TRHDE: variants seen among roughly 807,000 people sequenced by gnomAD.
The protein encoded by TRHDE is thyrotropin-releasing hormone-degrading ectoenzyme.
TRHDE carries 72 observed loss-of-function variants against 125.7 expected under a neutral mutation model. The ratio of observed to expected loss-of-function variants is 0.57; its 90% CI spans 0.47 to 0.70. TRHDE has a LOEUF of 0.70. TRHDE is among the 30% of genes least tolerant of loss of function. The probability of loss-of-function intolerance (pLI) is 0.00; values close to 1 mark genes in which losing one functional copy is unlikely to be tolerated. For synonymous variants in TRHDE, 509 were observed against 509.1 expected, an observed-to-expected ratio of 1.00 and a Z score of 0.00; for missense variants, 1,110 against 1,327.1, an observed-to-expected ratio of 0.84 and a Z score of 2.54.
In TRHDE at chr12:72,098,724, C is replaced by T. The variant is rs1372346194; in HGVS notation, n.175-6924C>T. Among the ~76,000 whole-genome samples the T allele has an allele frequency of 2.6e-5, 4 of 152,222 alleles. No individual in the cohort carries two copies. The East Asian group carries it at 7.7e-4, about 29-fold the overall frequency. ...GAAGATGAGAGACCATGTGGAGAAC[C>T]CAGCCAACAGCTAGAACCAACTGCC... On this transcript the variant is annotated intron_variant and non_coding_transcript_variant, in intron 1 of 4. Coordinates refer to the TRHDE transcript ENST00000548156.
chr12:72,545,293 G>A (rs1333968390), intron 7 of TRHDE, among the ~76,000 whole-genome samples: 1 of 151,372 alleles, frequency 6.6e-6, no homozygotes, highest in East Asian at 1.9e-4. Context: ...AGAAACATGA[G>A]GCAATAGAAT....
At chr12:72,643,533 C>A (rs759183447) in intron 15 of TRHDE, among the ~76,000 whole-genome samples, 2 of 152,090 alleles carry the variant, frequency 1.3e-5, no homozygotes, top group Non-Finnish European at 2.9e-5. Flanking sequence ...ACCTTCTTTG[C>A]CCTGTATTTG....
At chr12:72,427,691 G>C (rs1332257149) in intron 3 of TRHDE, among the ~76,000 whole-genome samples, 2 of 152,094 alleles carry the variant, frequency 1.3e-5, no homozygotes, top group African/African-American at 4.8e-5. Flanking sequence ...AATATATTTA[G>C]ATAACATAAG....
intron 2 of TRHDE, among the ~76,000 whole-genome samples, chr12:72,238,191 G>A (rs1878373330): frequency 6.8e-6 from 1 of 146,626 alleles, no homozygotes; most frequent in Admixed American, 6.9e-5. Flanking sequence ...AGAAGCCATC[G>A]TAATAAGTTA....
At chr12:72,202,564 T>C (rs1877581064) in intron 2 of TRHDE, among the ~76,000 whole-genome samples, 1 of 152,348 alleles carries the variant, frequency 6.6e-6, no homozygotes, top group East Asian at 1.9e-4. Flanking sequence ...TTCTGCATTA[T>C]CCTTTCTGGC....
intron 1 of TRHDE, among the ~76,000 whole-genome samples, chr12:72,276,352 A>T (rs2139412876): frequency 1.3e-5 from 2 of 152,374 alleles, no homozygotes; most frequent in South Asian, 4.1e-4. Context: ...AAAAACAAAT[A>T]TGTAATCTGA....
chr12:72,381,698 A>T (rs1872193362), intron 3 of TRHDE, among the ~76,000 whole-genome samples: 1 of 152,194 alleles, frequency 6.6e-6, no homozygotes, highest in South Asian at 2.1e-4. Context: ...GCCCGGCCGA[A>T]AGTTTTTAAT....
chr12:72,542,338 T>A lies in TRHDE; in HGVS notation c.1770T>A (p.Val590=), dbSNP rs1375083378. The change falls in exon 7 of 19, where the codon GTT becomes GTA. Residue 590 remains valine, a synonymous_variant. Coordinates refer to ENST00000261180, the MANE Select transcript of TRHDE (RefSeq NM_013381.3). ...RMLANFMGHS[V]FQRGLQDYLT... ...TGGCTAATTTTATGGGCCATTCAGTTTTCCAGAGGGGTTTGCAAGTAAGTA... is the reference window on the plus strand; with the variant it reads ...TGGCTAATTTTATGGGCCATTCAGTATTCCAGAGGGGTTTGCAAGTAAGTA... 1.9e-6 allele frequency: 3 copies of A among 1,605,162 alleles called. No individual in the cohort carries two copies. The highest frequency in any genetic ancestry group is 2.6e-6 in the Non-Finnish European group (3 of 1,174,434).
At chr12:72,652,873 CTATTTA>C in intron 16 of TRHDE, 137 bp from the exon 17 acceptor site, 1 of 480,038 alleles carries the variant, frequency 2.1e-6, no homozygotes, top group Admixed American at 4.1e-5. Flanking sequence ...GAAATGTGTT[CTATTTA>C]TAAGTTTGCA....
At chr12:72,435,623 A>C (rs1874705155) in intron 3 of TRHDE, among the ~76,000 whole-genome samples, 1 of 151,106 alleles carries the variant, frequency 6.6e-6, no homozygotes, top group Admixed American at 6.6e-5. Context: ...TTGAATGAAA[A>C]TAGATCCCAG....
At chr12:72,179,520 T>C (rs183776381) in intron 2 of TRHDE, among the ~76,000 whole-genome samples, 2 of 152,256 alleles carry the variant, frequency 1.3e-5, no homozygotes, top group East Asian at 3.9e-4. Flanking sequence ...TAATGCTTTT[T>C]GCTTTTCATG....
intron 2 of TRHDE, among the ~76,000 whole-genome samples, chr12:72,241,833 G>C (rs1419162596): frequency 6.6e-6 from 1 of 152,026 alleles, no homozygotes; most frequent in African/African-American, 2.4e-5. Context: ...TTTTCGTTAG[G>C]TTTTTTTCAA....
At chr12:72,455,144 A>G (rs944668843) in intron 3 of TRHDE, among the ~76,000 whole-genome samples, 4 of 152,204 alleles carry the variant, frequency 2.6e-5, no homozygotes, top group Non-Finnish European at 2.9e-5. Context: ...TCTCAAATTT[A>G]GAAACTTAAT....
intron 2 of TRHDE, among the ~76,000 whole-genome samples, chr12:72,311,030 T>A (rs4316545): frequency 0.31 from 47,183 of 151,910 alleles, 7,572 homozygotes; most frequent in African/African-American, 0.38. Context: ...ATACGTTATA[T>A]ACAATAATAT....
At chr12:72,459,703 T>C (rs1234229661) in intron 3 of TRHDE, among the ~76,000 whole-genome samples, 15 of 152,118 alleles carry the variant, frequency 9.9e-5, no homozygotes, top group Admixed American at 9.2e-4. Flanking sequence ...CACTGCAGCC[T>C]CGACCTCCTG....
intron 6 of TRHDE, among the ~76,000 whole-genome samples, chr12:72,541,343 A>T (rs1184268086): frequency 6.6e-6 from 1 of 151,550 alleles, no homozygotes; most frequent in Admixed American, 6.6e-5. Context: ...GTTATCATCC[A>T]TACTTAATTG....
rs1869201148 is a variant in TRHDE, at chr12:72,542,434, A to G, written c.1788+78A>G. ...CACAGCTTAGGAAATGGCTAATACA[A>G]AATTGCTGAACTTGGTGGAAAACTT... On this transcript the variant is annotated intron_variant, in intron 7 of 18. Coordinates refer to ENST00000261180, the MANE Select transcript of TRHDE (RefSeq NM_013381.3). 12 of 1,222,826 alleles carry G rather than the reference A, an allele frequency of 9.8e-6. No individual in the cohort carries two copies. In the Admixed American group the frequency reaches 2.3e-4, roughly 24 times the overall value. 75.7% of individuals were successfully genotyped at this position (1,222,826 alleles called of 1,614,324 possible). A position where few individuals can be genotyped will look rare whatever the true frequency, so the allele number is the denominator to read the frequency against.
Position 72,610,213 on chromosome 12 carries a change from G to C in TRHDE, c.2322-8678G>C, listed in dbSNP as rs368470201. Among the ~76,000 whole-genome samples the C allele has an allele frequency of 1.8e-4, 27 of 152,216 alleles. No individual in the cohort carries two copies. In the East Asian group the frequency reaches 4.4e-3, roughly 25 times the overall value. On this transcript the variant is annotated intron_variant, in intron 12 of 18. Coordinates refer to ENST00000261180, the MANE Select transcript of TRHDE (RefSeq NM_013381.3). ...TTCTGACATTTAAACAATAAAAAAC[G>C]TGTGGATAAGCTTTTGTAATAATTT...
intron 15 of TRHDE, among the ~76,000 whole-genome samples, chr12:72,641,231 T>TAAGA (rs1874046991): frequency 6.6e-6 from 1 of 152,238 alleles, no homozygotes; most frequent in African/African-American, 2.4e-5. Flanking sequence ...TTTTCCTCTG[T>TAAGA]AAGATATTTT....
Sources: allele counts gnomAD v4.1 joint callset (sites outside exome capture counted in the v4.1 genomes callset), GRCh38; gene constraint gnomAD v4.1.1; transcripts MANE v1.5; gene names NCBI Gene and HGNC (gene_info 2026-07-23, HGNC 2026-07-21).